The following PTGER1 variants were observed in gnomAD, a reference collection of about 807,000 sequenced individuals.
The protein encoded by PTGER1 is prostaglandin E2 receptor EP1 subtype.
Under a neutral mutation model 18.5 loss-of-function variants are expected in PTGER1, and 15 were observed. The ratio of observed to expected loss-of-function variants is 0.81; its 90% CI spans 0.54 to 1.25. The LOEUF (loss-of-function observed/expected upper bound fraction) is 1.25, where lower values mean the gene tolerates loss of function less well. Ranked by LOEUF, PTGER1 falls within the 50% of genes most tolerant of loss-of-function variation. The pLI, the probability that PTGER1 is intolerant of heterozygous loss-of-function variation, is 0.00. For synonymous variants in PTGER1, 339 were observed against 308.4 expected, an observed-to-expected ratio of 1.10 and a Z score of -1.04; for missense variants, 567 against 603.4, an observed-to-expected ratio of 0.94 and a Z score of 0.63.
chr19:14,473,825 A>G lies in PTGER1; in HGVS notation c.496T>C (p.Leu166=). The G allele has an allele frequency of 1.5e-6, 2 of 1,317,620 alleles. No individual in the cohort carries two copies. The allele number at this position is 1,317,620 out of a possible 1,614,324, so 81.6% of individuals were successfully genotyped here. A position where few individuals can be genotyped will look rare whatever the true frequency, so the allele number is the denominator to read the frequency against. ...LALAAVAAVA[L]AVALLPLARV... is the part of the protein sequence containing the mutation. ...GCCAGCGGCAGCAGCGCCACGGCCA[A>G]GGCCACCGCGGCCACCGCGGCCAGC... The change falls in exon 2 of 3, where the codon TTG becomes CTG. Residue 166 remains leucine, a synonymous_variant. Transcript: ENST00000292513. The surrounding 1 kb of genome is among the most constrained non-coding windows in gnomAD (Gnocchi z 7.1).
rs1165435992 is a variant in PTGER1, at chr19:14,475,334, C to CA, written c.-91_-90insT. 2 of 152,456 alleles carry CA rather than the reference C, an allele frequency of 1.3e-5. No individual in the cohort carries two copies. Among genetic ancestry groups the CA allele is most frequent in the African/African-American group, 4.8e-5 (2 of 41,460 alleles). The allele number at this position is 152,456 out of a possible 1,614,324, so 9.4% of individuals were successfully genotyped here. On this transcript the variant is annotated 5_prime_UTR_variant, in exon 1 of 3. Transcript: ENST00000292513. The stretch of plus-strand genomic sequence containing the variant: ...TGCCGCCCACTGCGCCCTGGCTCTC[C>CA]GGCAAGCCGCTTCCTCCCTCCCTCT...
rs2071599063 is a variant in PTGER1, at chr19:14,474,996, C to T, written c.-18+266G>A. 6.6e-6 allele frequency among the ~76,000 whole-genome samples: 1 copy of T among 152,200 alleles called. No individual in the cohort carries two copies. Among genetic ancestry groups the T allele is most frequent in the Non-Finnish European group, 1.5e-5 (1 of 68,032 alleles). On this transcript the variant is annotated intron_variant, in intron 1 of 2. Transcript: ENST00000292513. The surrounding 1 kb of genome is among the most constrained non-coding windows in gnomAD (Gnocchi z 5.4). ...ATCACCTCTGCCTCACCCTGGGTGC[C>T]CACGGTTCCACTCCATATCCCTGCC... is the stretch of plus-strand genomic sequence containing the variant.
In PTGER1 at chr19:14,474,875, C is replaced by T. The variant is rs1239117033; in HGVS notation, c.-18+387G>A. 6.6e-6 allele frequency among the ~76,000 whole-genome samples: 1 copy of T among 152,154 alleles called. No homozygotes were observed. The highest frequency in any genetic ancestry group is 1.5e-5 in the Non-Finnish European group (1 of 68,016). On this transcript the variant is annotated intron_variant, in intron 1 of 2. Coordinates refer to ENST00000292513, the MANE Select transcript of PTGER1 (RefSeq NM_000955.3). The surrounding 1 kb of genome is among the most constrained non-coding windows in gnomAD (Gnocchi z 5.4). ...CCCCATGGACCCATCTCTGACCCCA[C>T]ATGGCACAGCCACATCTGTGCCATG... is the stretch of plus-strand genomic sequence containing the variant.
At position 14,473,130 on chromosome 19, in the gene PTGER1, G is replaced by A. The variant is rs2071581114; in HGVS notation, c.942+249C>T. Among the ~76,000 whole-genome samples the A allele has an allele frequency of 1.3e-5, 2 of 152,098 alleles. No homozygotes were observed. Among genetic ancestry groups the A allele is most frequent in the African/African-American group, 4.8e-5 (2 of 41,406 alleles). On this transcript the variant is annotated intron_variant, in intron 2 of 2. Coordinates refer to ENST00000292513, the MANE Select transcript of PTGER1 (RefSeq NM_000955.3). The surrounding 1 kb of genome is among the most constrained non-coding windows in gnomAD (Gnocchi z 7.1). ...CGACTTATAACGGTGGGGCAGGAGA[G>A]GAGGCTTGTGTGGGTCGGGGTGCGC...
rs1054553927 is a variant in PTGER1 at position 14,472,491 on chromosome 19, A to AG, written c.*68dup. 4.1e-5 allele frequency: 60 copies of AG among 1,457,128 alleles called. No homozygotes were observed. Among genetic ancestry groups the AG allele is most frequent in the Non-Finnish European group, 5.1e-5 (57 of 1,110,578 alleles). The allele number at this position is 1,457,128 out of a possible 1,614,324, so 90.3% of individuals were successfully genotyped here. A position where few individuals can be genotyped will look rare whatever the true frequency, so the allele number is the denominator to read the frequency against. ...TCGCAGAATGGCTTTTTATTCCCAA[A>AG]GGCTCTGCGCCGCGCACCTGGGCCC... On this transcript the variant is annotated 3_prime_UTR_variant, in exon 3 of 3. Coordinates refer to ENST00000292513, the MANE Select transcript of PTGER1 (RefSeq NM_000955.3).
Position 14,472,606 on chromosome 19 carries a change from G to A in PTGER1, c.1163C>T (p.Ala388Val), listed in dbSNP as rs573719766. 9 of 1,600,526 alleles carry A rather than the reference G, an allele frequency of 5.6e-6. No homozygotes were observed. The South Asian group carries it at 1.0e-4, about 18-fold the overall frequency. Residue 388 changes from alanine (A) to valine (V), a missense_variant, in exon 3 of 3, where the codon GCC becomes GTC. Ala to Val is a moderately conservative substitution (Grantham distance 64, BLOSUM62 0). Coordinates refer to ENST00000292513, the MANE Select transcript of PTGER1 (RefSeq NM_000955.3). ...GLGLTPSAWE[A>V]SSLRSSRHSG... Reference sequence around the variant, plus strand: ...GTGCCGGGAGCTGCGCAGCGAGCTGGCCTCCCAGGCGCTCGGTGTTAGGCC... The same window carrying A: ...GTGCCGGGAGCTGCGCAGCGAGCTGACCTCCCAGGCGCTCGGTGTTAGGCC...
Position 14,474,903 on chromosome 19 carries a change from CCCATCT to C in PTGER1, c.-18+353_-18+358del, listed in dbSNP as rs2071598588. ...GGCACAGCCACATCTGTGCCATGGA[CCCATCT>C]CTGCCCCTGCCCCATGGACCTGCCT... On this transcript the variant is annotated intron_variant, in intron 1 of 2. Coordinates refer to ENST00000292513, the MANE Select transcript of PTGER1 (RefSeq NM_000955.3). The surrounding 1 kb of genome is among the most constrained non-coding windows in gnomAD (Gnocchi z 5.4). Among the ~76,000 whole-genome samples, 5 of 152,192 alleles carry C rather than the reference CCCATCT, an allele frequency of 3.3e-5. No individual in the cohort carries two copies. Among genetic ancestry groups the C allele is most frequent in the Admixed American group, 3.3e-4 (5 of 15,282 alleles).
At chr19:14,472,893 G>T in intron 2 of PTGER1, 67 bp from the exon 3 acceptor site, 2 of 1,457,410 alleles carry the variant, frequency 1.4e-6, no homozygotes, top group Non-Finnish European at 1.8e-6. Flanking sequence ...GATGGTGGGG[G>T]CGTGGCTGGA....
chr19:14,474,404 A>G lies in PTGER1; in HGVS notation c.-17-67T>C. On this transcript the variant is annotated intron_variant, in intron 1 of 2. Coordinates refer to ENST00000292513, the MANE Select transcript of PTGER1 (RefSeq NM_000955.3). This position sits in a 1 kb window ranked among gnomAD's most constrained non-coding sequence, Gnocchi z 5.4. ...CGGGCGGGGACCAGCCCACGGTGCC[A>G]TCTCAGAACATCAGGGCCTGTTTGA... 7.2e-7 allele frequency: 1 copy of G among 1,383,312 alleles called. No individual in the cohort carries two copies. Among genetic ancestry groups the G allele is most frequent in the East Asian group, 3.0e-5 (1 of 33,422 alleles). The allele number at this position is 1,383,312 out of a possible 1,614,324, so 85.7% of individuals were successfully genotyped here.
rs748749597 is a variant in PTGER1 at position 14,473,979 on chromosome 19, G to T, written c.342C>A (p.Gly114=). The T allele has an allele frequency of 1.5e-5, 22 of 1,497,862 alleles. No homozygotes were observed. The South Asian group carries it at 2.6e-4, about 18-fold the overall frequency. 92.8% of individuals were successfully genotyped at this position (1,497,862 alleles called of 1,614,324 possible). A position where few individuals can be genotyped will look rare whatever the true frequency, so the allele number is the denominator to read the frequency against. ...ACAGGCCGAAGAAGACCATGCAGCC[G>T]CCCAGGAAGTGGCAGGCCCCGCCGG... The part of the protein sequence containing the change: ...APAGGACHFL[G]GCMVFFGLCP... Residue 114 remains glycine, a synonymous_variant, in exon 2 of 3, where the codon GGC becomes GGA. Coordinates refer to ENST00000292513, the MANE Select transcript of PTGER1 (RefSeq NM_000955.3). The surrounding 1 kb of genome is among the most constrained non-coding windows in gnomAD (Gnocchi z 7.1).
At position 14,473,266 on chromosome 19, in the gene PTGER1, GC is replaced by G; in HGVS notation, c.942+112del. Reference sequence around the variant, plus strand: ...GCAGGTGGGGCCTCTAGGGGCCGGGGCCTTGGTTGAGTCCAGGATGGAGGCC... The same window carrying G: ...GCAGGTGGGGCCTCTAGGGGCCGGGGCTTGGTTGAGTCCAGGATGGAGGCC... On this transcript the variant is annotated intron_variant, in intron 2 of 2. Transcript: ENST00000292513. This position sits in a 1 kb window ranked among gnomAD's most constrained non-coding sequence, Gnocchi z 7.1. The G allele has an allele frequency of 6.7e-7, 1 of 1,482,132 alleles. No individual in the cohort carries two copies. Among genetic ancestry groups the G allele is most frequent in the Non-Finnish European group, 8.9e-7 (1 of 1,121,706 alleles). The allele number at this position is 1,482,132 out of a possible 1,614,324, so 91.8% of individuals were successfully genotyped here. A position where few individuals can be genotyped will look rare whatever the true frequency, so the allele number is the denominator to read the frequency against.
rs1248437515 is a variant in PTGER1 at position 14,474,031 on chromosome 19, C to G, written c.290G>C (p.Arg97Pro). 1 of 1,499,016 alleles carries G rather than the reference C, an allele frequency of 6.7e-7. No individual in the cohort carries two copies. Among genetic ancestry groups the G allele is most frequent in the Non-Finnish European group, 8.9e-7 (1 of 1,129,390 alleles). 92.9% of individuals were successfully genotyped at this position (1,499,016 alleles called of 1,614,324 possible). The part of the protein sequence containing the change: ...GHVIPGALVL[R>P]LYTAGRAPAG... ...CGGAGCGCGCCCCGCAGTGTACAGA[C>G]GCAGCACCAGCGCGCCCGGGATCAC... is the stretch of plus-strand genomic sequence containing the variant. Residue 97 changes from arginine to proline, a missense_variant, in exon 2 of 3, where the codon CGT (arginine) becomes CCT (proline). Physicochemically the swap from Arg to Pro is moderately radical, Grantham distance 103. Transcript: ENST00000292513. The surrounding 1 kb of genome is among the most constrained non-coding windows in gnomAD (Gnocchi z 5.4).
In PTGER1 at chr19:14,473,835, G is replaced by A. The variant is rs1373677992; in HGVS notation, c.486C>T (p.Ala162=). 7 of 1,258,072 alleles carry A rather than the reference G, an allele frequency of 5.6e-6. No individual in the cohort carries two copies. The highest frequency in any genetic ancestry group is 6.0e-6 in the Non-Finnish European group (6 of 1,007,330). The allele number at this position is 1,258,072 out of a possible 1,614,324, so 77.9% of individuals were successfully genotyped here. A position where few individuals can be genotyped will look rare whatever the true frequency, so the allele number is the denominator to read the frequency against. ...ARARLALAAV[A]AVALAVALLP... is the part of the protein sequence containing the mutation. ...GCAGCGCCACGGCCAAGGCCACCGC[G>A]GCCACCGCGGCCAGCGCCAGGCGCG... The change falls in exon 2 of 3, where the codon GCC becomes GCT. Residue 162 remains alanine (A), a synonymous_variant. Coordinates refer to ENST00000292513, the MANE Select transcript of PTGER1 (RefSeq NM_000955.3). The surrounding 1 kb of genome is among the most constrained non-coding windows in gnomAD (Gnocchi z 7.1).
Position 14,474,310 on chromosome 19 carries a change from C to A in PTGER1, c.11G>T (p.Cys4Phe). Residue 4 changes from cysteine (C) to phenylalanine (F), a missense_variant, in exon 2 of 3, where the codon TGC becomes TTC. By Grantham distance (205) the Cys-to-Phe change is radical. Coordinates refer to ENST00000292513, the MANE Select transcript of PTGER1 (RefSeq NM_000955.3). This position sits in a 1 kb window ranked among gnomAD's most constrained non-coding sequence, Gnocchi z 5.4. ...CGCCAGGCTCAGGTTGAGGGGCCCG[C>A]AAGGGCTCATGTCAGGCGCCAGGGG... MSP[C>F]GPLNLSLAGE... The A allele has an allele frequency of 6.5e-7, 1 of 1,527,926 alleles. No homozygotes were observed. The highest frequency in any genetic ancestry group is 8.7e-7 in the Non-Finnish European group (1 of 1,143,776). The allele number at this position is 1,527,926 out of a possible 1,614,324, so 94.6% of individuals were successfully genotyped here. A position where few individuals can be genotyped will look rare whatever the true frequency, so the allele number is the denominator to read the frequency against.
In PTGER1 at chr19:14,472,710, T is replaced by G; in HGVS notation, c.1059A>C (p.Leu353=). Residue 353 remains leucine, a synonymous_variant, in exon 3 of 3, where the codon CTA becomes CTC. Transcript: ENST00000292513. ...NQILDPWVYI[L]LRQAVLRQLL... is the part of the protein sequence containing the mutation. ...GTTGGCGCAGCACGGCCTGGCGCAGTAGGATGTACACCCAAGGGTCCAGGA... is the reference window on the plus strand; with the variant it reads ...GTTGGCGCAGCACGGCCTGGCGCAGGAGGATGTACACCCAAGGGTCCAGGA... 1 of 1,611,672 alleles carries G rather than the reference T, an allele frequency of 6.2e-7. No homozygotes were observed. Among genetic ancestry groups the G allele is most frequent in the Non-Finnish European group, 8.5e-7 (1 of 1,179,012 alleles).
rs1321725479 is a variant in PTGER1, at chr19:14,474,017, C to T, written c.304G>A (p.Gly102Arg). Residue 102 changes from glycine (G) to arginine (R), a missense_variant, in exon 2 of 3, where the codon GGG becomes AGG. Transcript: ENST00000292513. This position sits in a 1 kb window ranked among gnomAD's most constrained non-coding sequence, Gnocchi z 5.4. ...CAGGCCCCGCCGGCCGGAGCGCGCC[C>T]CGCAGTGTACAGACGCAGCACCAGC... The part of the protein sequence containing the change: ...GALVLRLYTA[G>R]RAPAGGACHF... 4.0e-6 allele frequency: 6 copies of T among 1,500,986 alleles called. No homozygotes were observed. Among genetic ancestry groups the T allele is most frequent in the Non-Finnish European group, 3.5e-6 (4 of 1,129,806 alleles). 93.0% of individuals were successfully genotyped at this position (1,500,986 alleles called of 1,614,324 possible).
In PTGER1 at chr19:14,472,671, C is replaced by G. The variant is rs1265732476; in HGVS notation, c.1098G>C (p.Leu366Phe). 8 of 1,611,072 alleles carry G rather than the reference C, an allele frequency of 5.0e-6. No homozygotes were observed. Among genetic ancestry groups the G allele is most frequent in the Non-Finnish European group, 6.8e-6 (8 of 1,178,948 alleles). ...CGCCCTTGGCTCCGGCCCTCGGGGG[C>G]AAGAGGCGAAGCAGTTGGCGCAGCA... The part of the protein sequence containing the change: ...QAVLRQLLRL[L>F]PPRAGAKGGP... The change falls in exon 3 of 3, where the codon TTG becomes TTC. Residue 366 changes from leucine to phenylalanine, a missense_variant. Leu to Phe is a conservative substitution (Grantham distance 22, BLOSUM62 0). Transcript: ENST00000292513.
intron 2 of PTGER1, 115 bp from the exon 3 acceptor site, chr19:14,472,941 G>T: frequency 9.4e-7 from 1 of 1,066,414 alleles, no homozygotes; most frequent in Non-Finnish European, 1.3e-6. Context: ...CCGTCGCAGG[G>T]AGGGTAAATG....
Position 14,473,453 on chromosome 19 carries a change from C to T in PTGER1, c.868G>A (p.Ala290Thr), listed in dbSNP as rs763711302. The change falls in exon 2 of 3, where the codon GCC becomes ACC. Residue 290 changes from alanine (A) to threonine (T), a missense_variant. Physicochemically the swap from Ala to Thr is moderately conservative, Grantham distance 58. Transcript: ENST00000292513. This position sits in a 1 kb window ranked among gnomAD's most constrained non-coding sequence, Gnocchi z 7.1. ...TGGCCCACCATCTCCACGTCGTGGG[C>T]GCGAGCTCTGCGTGCCGAGCCGCTG... ...RSSGSARRAR[A>T]HDVEMVGQLV... 2.5e-6 allele frequency: 4 copies of T among 1,592,620 alleles called. No individual in the cohort carries two copies. The highest frequency in any genetic ancestry group is 4.6e-5 in the East Asian group (2 of 43,366).
Sources: allele counts gnomAD v4.1 joint callset (sites outside exome capture counted in the v4.1 genomes callset), GRCh38; gene constraint gnomAD v4.1.1; non-coding constraint Gnocchi (gnomAD v3.1); transcripts MANE v1.5; gene names NCBI Gene and HGNC (gene_info 2026-07-23, HGNC 2026-07-21).